The following LRIT3 variants were observed in gnomAD, a reference collection of about 807,000 sequenced individuals.
LRIT3 encodes leucine-rich repeat, immunoglobulin-like domain and transmembrane domain-containing protein 3.
A neutral mutation model predicts 22.6 loss-of-function variants in LRIT3; 14 were observed. The observed-to-expected ratio is 0.62, with a 90% CI of 0.41 to 0.97. The LOEUF (loss-of-function observed/expected upper bound fraction) is 0.97, where lower values mean the gene tolerates loss of function less well. Ranked by LOEUF, LRIT3 falls within the 50% of genes least tolerant of loss-of-function variation. The pLI, the probability that LRIT3 is intolerant of heterozygous loss-of-function variation, is 0.00. For synonymous variants in LRIT3, 306 were observed against 304.5 expected, an observed-to-expected ratio of 1.01 and a Z score of -0.05; for missense variants, 783 against 803.0, an observed-to-expected ratio of 0.98 and a Z score of 0.30.
intron 2 of LRIT3, among the ~76,000 whole-genome samples, chr4:109,866,336 A>G (rs1207108890): frequency 2.6e-5 from 4 of 152,140 alleles, no homozygotes; most frequent in African/African-American, 9.7e-5. Flanking sequence ...CATCACCCCT[A>G]AGATCCTAGA....
rs867560655 is a variant in LRIT3 at position 109,870,298 on chromosome 4, G to A, written c.1549G>A (p.Val517Met). ...CACCACACATAACTCTGCAGTGACT[G>A]TGTTGTATTCCAAGTATGGTGGGAA... ...INTTHNSAVT[V>M]LYSKYGGKDL... Residue 517 changes from valine to methionine, a missense_variant, in exon 4 of 4, where the codon GTG becomes ATG. Val to Met is a conservative substitution (Grantham distance 21). This residue lies in a region of LRIT3 where 756 missense variants were observed against 753.8 expected (regional missense o/e 1.00). Transcript: ENST00000594814. The A allele has an allele frequency of 6.2e-6, 10 of 1,614,092 alleles. No homozygotes were observed. The Middle Eastern group carries it at 4.9e-4, about 80-fold the overall frequency.
rs1271142031 is a variant in LRIT3 at position 109,867,710 on chromosome 4, A to G, written c.659A>G (p.Asp220Gly). The change falls in exon 3 of 4, where the codon GAC (aspartate) becomes GGC (glycine). Residue 220 changes from aspartate (D) to glycine (G), a missense_variant. By Grantham distance (94) the Asp-to-Gly change is moderately conservative. This residue lies in a region of LRIT3 where 756 missense variants were observed against 753.8 expected (regional missense o/e 1.00). Coordinates refer to ENST00000594814, the MANE Select transcript of LRIT3 (RefSeq NM_198506.5). ...SKMIELSKVVDPAIVLLDPLM... is the reference protein window; with the variant it reads ...SKMIELSKVVGPAIVLLDPLM... ...ATGATTGAGTTGTCAAAGGTCGTTG[A>G]CCCTGCTATAGTGCTTCTGGATCCA... The G allele has an allele frequency of 1.2e-6, 2 of 1,614,040 alleles. No homozygotes were observed. The highest frequency in any genetic ancestry group is 1.7e-6 in the Non-Finnish European group (2 of 1,180,000).
intron 2 of LRIT3, among the ~76,000 whole-genome samples, chr4:109,862,166 T>G (rs955041161): frequency 6.6e-6 from 1 of 152,232 alleles, no homozygotes; most frequent in African/African-American, 2.4e-5. Context: ...GTACAAAAAT[T>G]TATTGCTCAC....
chr4:109,868,059 T>C (rs1734729470), intron 3 of LRIT3, 113 bp downstream of exon 3: 1 of 1,113,256 alleles, frequency 9.0e-7, no homozygotes, highest in East Asian at 2.4e-5. Flanking sequence ...TATTTCAAGA[T>C]TATTGGGTGC....
chr4:109,871,028 A>G lies in LRIT3; in HGVS notation c.*239A>G. On this transcript the variant is annotated 3_prime_UTR_variant, in exon 4 of 4. Transcript: ENST00000594814. ...ATAATTTTTAGAGTGGTGCTTAATAAATTATTAATACTTTTTAGGGTAATG... is the reference window on the plus strand; with the variant it reads ...ATAATTTTTAGAGTGGTGCTTAATAGATTATTAATACTTTTTAGGGTAATG... 1 of 361,904 alleles carries G rather than the reference A, an allele frequency of 2.8e-6. No homozygotes were observed. The highest frequency in any genetic ancestry group is 4.9e-6 in the Non-Finnish European group (1 of 204,086). The allele number at this position is 361,904 out of a possible 1,614,324, so 22.4% of individuals were successfully genotyped here.
At chr4:109,856,667 C>T (rs1303139696) in intron 2 of LRIT3, among the ~76,000 whole-genome samples, 2 of 152,306 alleles carry the variant, frequency 1.3e-5, no homozygotes, top group South Asian at 4.1e-4. Context: ...ATACAAAAAT[C>T]AGAAATATTC....
intron 2 of LRIT3, among the ~76,000 whole-genome samples, chr4:109,863,901 G>A (rs987477628): frequency 5.3e-5 from 8 of 152,218 alleles, no homozygotes; most frequent in African/African-American, 1.9e-4. Flanking sequence ...AGCCTCTGCA[G>A]TTTTGGAGAA....
chr4:109,870,638 A>G lies in LRIT3; in HGVS notation c.1889A>G (p.Glu630Gly), dbSNP rs1309190200. The G allele has an allele frequency of 6.2e-7, 1 of 1,614,140 alleles. No homozygotes were observed. The highest frequency in any genetic ancestry group is 1.7e-5 in the Admixed American group (1 of 60,022). ...GCAAAGGAGACTTATATCCAATTTG[A>G]GACCCTGTTTCCCAGGTCTCAAAGT... ...DLAKETYIQF[E>G]TLFPRSQSVG... Residue 630 changes from glutamate to glycine, a missense_variant, in exon 4 of 4, where the codon GAG becomes GGG. By Grantham distance (98) the Glu-to-Gly change is moderately conservative. Coordinates refer to ENST00000594814, the MANE Select transcript of LRIT3 (RefSeq NM_198506.5).
intron 2 of LRIT3, among the ~76,000 whole-genome samples, chr4:109,858,558 A>G (rs944474443): frequency 6.6e-6 from 1 of 152,170 alleles, no homozygotes. Context: ...CCACATTAAA[A>G]TAGAAACTTT....
At chr4:109,850,422 C>CCTTCCTTCCTTCCTTCCTTCCTT (rs66553123) in intron 1 of LRIT3, among the ~76,000 whole-genome samples, 1 of 55,088 alleles carries the variant, frequency 1.8e-5, no homozygotes, top group Non-Finnish European at 3.5e-5. Flanking sequence ...TTCCTTCCTT[C>CCTTCCTTCCTTCCTTCCTTCCTT]CTTTCTTTCT....
chr4:109,856,452 T>C (rs571328481), intron 2 of LRIT3, among the ~76,000 whole-genome samples: 2 of 152,302 alleles, frequency 1.3e-5, no homozygotes, highest in South Asian at 2.1e-4. Context: ...ATTTTACTCA[T>C]TGAATGGGGT....
intron 2 of LRIT3, among the ~76,000 whole-genome samples, chr4:109,857,525 A>G (rs1278239733): frequency 2.6e-5 from 4 of 152,190 alleles, no homozygotes; most frequent in African/African-American, 7.2e-5. Context: ...GTTAATCTCC[A>G]TAATTCTGAA....
At chr4:109,848,405 TG>T in intron 1 of LRIT3, 88 bp downstream of exon 1, 1 of 647,592 alleles carries the variant, frequency 1.5e-6, no homozygotes, top group Non-Finnish European at 2.2e-6. Flanking sequence ...AGCAAATGTT[TG>T]GGGATCAGAA....
intron 2 of LRIT3, 27 bp from the exon 3 acceptor site, chr4:109,867,614 G>A (rs765032574): frequency 6.2e-7 from 1 of 1,600,444 alleles, no homozygotes; most frequent in Non-Finnish European, 8.5e-7. Flanking sequence ...AATAATCTTT[G>A]TCAACCTTTC....
chr4:109,869,517 G>C (rs1734766733), intron 3 of LRIT3, 128 bp from the exon 4 acceptor site: 1 of 838,962 alleles, frequency 1.2e-6, no homozygotes, highest in African/African-American at 1.7e-5. Context: ...AGACTTGCAG[G>C]GTGCCATTTC....
intron 2 of LRIT3, among the ~76,000 whole-genome samples, chr4:109,859,482 G>C (rs980247577): frequency 6.6e-5 from 10 of 152,314 alleles, no homozygotes; most frequent in African/African-American, 2.2e-4. Flanking sequence ...TTAATCAGCA[G>C]TAACAGTTGC....
chr4:109,872,221 T>A lies in LRIT3; in HGVS notation c.*1432T>A, dbSNP rs1734854336. ...AATAGAAGCTCTCCTAGTCAGTTGG[T>A]CATCTGACCTCTGACTATATCCGGC... On this transcript the variant is annotated 3_prime_UTR_variant, in exon 4 of 4. Transcript: ENST00000594814. 1 of 152,240 alleles carries A rather than the reference T, an allele frequency of 6.6e-6. No individual in the cohort carries two copies. Among genetic ancestry groups the A allele is most frequent in the Non-Finnish European group, 1.5e-5 (1 of 68,054 alleles). The allele number at this position is 152,240 out of a possible 1,614,324, so 9.4% of individuals were successfully genotyped here.
intron 2 of LRIT3, among the ~76,000 whole-genome samples, chr4:109,867,265 G>A (rs1734704233): frequency 6.6e-6 from 1 of 152,030 alleles, no homozygotes; most frequent in East Asian, 1.9e-4. Context: ...GGGTCCCTCT[G>A]AGGCCTCATC....
At position 109,870,029 on chromosome 4, in the gene LRIT3, G is replaced by A. The variant is rs1236399651; in HGVS notation, c.1280G>A (p.Ser427Asn). ...ACTGTTTCTTCAACCACAACTCTGA[G>A]CACAAGCATCTCAGCAAGTACCACC... ...SSTVSSTTTL[S>N]TSISASTTMA... is the part of the protein sequence containing the mutation. Residue 427 changes from serine (S) to asparagine (N), a missense_variant, in exon 4 of 4, where the codon AGC becomes AAC. By Grantham distance (46) the Ser-to-Asn change is conservative (BLOSUM62 1). Transcript: ENST00000594814. 6.2e-7 allele frequency: 1 copy of A among 1,613,902 alleles called. No individual in the cohort carries two copies. Among genetic ancestry groups the A allele is most frequent in the Non-Finnish European group, 8.5e-7 (1 of 1,180,022 alleles).
Sources: allele counts gnomAD v4.1 joint callset (sites outside exome capture counted in the v4.1 genomes callset), GRCh38; gene constraint gnomAD v4.1.1; regional missense constraint gnomAD v4.1.1; transcripts MANE v1.5; gene names NCBI Gene and HGNC (gene_info 2026-07-23, HGNC 2026-07-21).